Variants in THSD7A observed in about 807,000 individuals in gnomAD.
THSD7A encodes thrombospondin type 1 domain containing 7A, also known as thrombospondin type-1 domain-containing protein 7A.
In THSD7A, 96 loss-of-function variants were observed where a neutral mutation model predicts 231.3. The ratio of observed to expected loss-of-function variants is 0.41; its 90% confidence interval spans 0.35 to 0.49. The LOEUF is 0.49. Among genes scored for constraint, THSD7A ranks in the 20% least tolerant of loss-of-function variants. The pLI is 0.05. For synonymous variants in THSD7A, 940 were observed against 743.3 expected (o/e 1.26, Z -4.30); for missense variants, 2,290 against 2,070.2 (o/e 1.11, Z -2.06).
chr7:11,726,861 T>A (rs1053081206), intron 1 of THSD7A, among the ~76,000 whole-genome samples: 1 of 151,962 alleles, frequency 6.6e-6, no homozygotes, highest in African/African-American at 2.4e-5. Flanking sequence ...GTCTCATGTT[T>A]TCTAGATTAC....
rs371236468 is a variant in THSD7A at position 11,469,885 on chromosome 7, T to C, written c.2362A>G (p.Lys788Glu). Residue 788 changes from lysine (K) to glutamate (E), a missense_variant, in exon 9 of 28, where the codon AAA becomes GAA. Transcript: ENST00000423059. The part of the protein sequence containing the change: ...SDWTSCPSSC[K>E]EGDSSIRKQS... ...CTAACTCTGCAGACCATACCTTCTTTACACGAAGAGGGGCATGATGTCCAG... is the reference window on the plus strand; with the variant it reads ...CTAACTCTGCAGACCATACCTTCTTCACACGAAGAGGGGCATGATGTCCAG... 1.3e-5 allele frequency: 20 copies of C among 1,588,840 alleles called. No individual in the cohort carries two copies. The highest frequency in any genetic ancestry group is 1.1e-5 in the South Asian group (1 of 87,180).
At chr7:11,449,219 A>G (rs758982764) in intron 11 of THSD7A, among the ~76,000 whole-genome samples, 1 of 152,100 alleles carries the variant, frequency 6.6e-6, no homozygotes, top group Non-Finnish European at 1.5e-5. Context: ...TATCCAAGCT[A>G]TATGAGAACT....
chr7:11,461,047 C>A (rs1056868249), intron 10 of THSD7A, among the ~76,000 whole-genome samples: 2 of 152,158 alleles, frequency 1.3e-5, no homozygotes, highest in African/African-American at 4.8e-5. Flanking sequence ...GGACTGCCAA[C>A]AAATGCACCA....
rs954094634 is a variant in THSD7A, at chr7:11,411,413, C to T, written c.3683-91G>A. ...GATGACCTGAATCCCATATTTAATT[C>T]ACAACTGCTTCCTAAGCCCCATAAT... On this transcript the variant is annotated intron_variant, in intron 18 of 27. Coordinates refer to ENST00000423059, the MANE Select transcript of THSD7A (RefSeq NM_015204.3). This position sits in a 1 kb window ranked among gnomAD's most constrained non-coding sequence, Gnocchi z 4.1. 2.8e-5 allele frequency: 23 copies of T among 822,450 alleles called. No homozygotes were observed. Among genetic ancestry groups the T allele is most frequent in the Admixed American group, 1.2e-4 (5 of 41,438 alleles). 50.9% of individuals were successfully genotyped at this position (822,450 alleles called of 1,614,324 possible). A position where few individuals can be genotyped will look rare whatever the true frequency, so the allele number is the denominator to read the frequency against.
rs1787877893 is a variant in THSD7A, at chr7:11,512,943, A to ATATATATATATATG, written c.1822+28475_1822+28476insCATATATATATATA. Among the ~76,000 whole-genome samples the ATATATATATATATG allele has an allele frequency of 8.6e-5, 4 of 46,752 alleles. 1 individual carries two copies. The South Asian group carries it at 2.6e-3, about 30-fold the overall frequency. 30.7% of individuals were successfully genotyped at this position (46,752 alleles called of 152,430 possible). A position where few individuals can be genotyped will look rare whatever the true frequency, so the allele number is the denominator to read the frequency against. ...AAAGTATAATAAAAAAGAAACTATGATATATATATATATATATGTAAAATA... is the reference window on the plus strand; with the variant it reads ...AAAGTATAATAAAAAAGAAACTATGATATATATATATATGTATATATATATATATATGTAAAATA... On this transcript the variant is annotated intron_variant, in intron 6 of 27. Coordinates refer to ENST00000423059, the MANE Select transcript of THSD7A (RefSeq NM_015204.3).
At chr7:11,728,387 T>C (rs1437475984) in intron 1 of THSD7A, among the ~76,000 whole-genome samples, 2 of 151,958 alleles carry the variant, frequency 1.3e-5, no homozygotes, top group East Asian at 3.9e-4. Context: ...GGCAGGAGTA[T>C]ATAATCTAGA....
intron 13 of THSD7A, among the ~76,000 whole-genome samples, chr7:11,435,000 ATAT>A (rs1017971859): frequency 6.6e-6 from 1 of 151,912 alleles, no homozygotes; most frequent in African/African-American, 2.4e-5. Flanking sequence ...GTATAATACA[ATAT>A]TATTTTAATT....
At chr7:11,673,845 T>C (rs1584189408) in intron 1 of THSD7A, among the ~76,000 whole-genome samples, 1 of 151,622 alleles carries the variant, frequency 6.6e-6, no homozygotes, top group Non-Finnish European at 1.5e-5. Context: ...TGCTGCAGGG[T>C]GGATATTGGA....
intron 2 of THSD7A, among the ~76,000 whole-genome samples, chr7:11,600,909 G>C (rs1780529182): frequency 6.6e-6 from 1 of 152,192 alleles, no homozygotes; most frequent in African/African-American, 2.4e-5. Flanking sequence ...AAGATCATCT[G>C]AGAGTGGTGG....
chr7:11,511,915 A>G (rs1787825520), intron 6 of THSD7A, among the ~76,000 whole-genome samples: 2 of 152,238 alleles, frequency 1.3e-5, no homozygotes, highest in Non-Finnish European at 2.9e-5. Context: ...AATGGCAACA[A>G]AAGCCAAAAT....
rs1188958042 is a variant in THSD7A, at chr7:11,375,850, G to T, written c.4918C>A (p.Gln1640Lys). The change falls in exon 28 of 28, where the codon CAA (glutamine) becomes AAA (lysine). Residue 1640 changes from glutamine (Q) to lysine (K), a missense_variant. Gln to Lys is a moderately conservative substitution (Grantham distance 53). Coordinates refer to ENST00000423059, the MANE Select transcript of THSD7A (RefSeq NM_015204.3). Reference sequence around the variant, plus strand: ...GTTAAAGGTTTCAGTCGGTTGTTTTGCCTTCTTTGGGGTTTCTTTGGCTTT... The same window carrying T: ...GTTAAAGGTTTCAGTCGGTTGTTTTTCCTTCTTTGGGGTTTCTTTGGCTTT... The part of the protein sequence containing the change: ...CKKPKKPQRR[Q>K]NNRLKPLTLA... The T allele has an allele frequency of 6.2e-7, 1 of 1,612,484 alleles. No individual in the cohort carries two copies. The highest frequency in any genetic ancestry group is 8.5e-7 in the Non-Finnish European group (1 of 1,179,032).
intron 2 of THSD7A, among the ~76,000 whole-genome samples, chr7:11,610,925 G>C (rs1584077997): frequency 6.6e-6 from 1 of 152,104 alleles, no homozygotes; most frequent in South Asian, 2.1e-4. Context: ...TTTAATGGTA[G>C]AAATCTCTTT....
At chr7:11,463,028 A>T (rs1785563816) in intron 9 of THSD7A, among the ~76,000 whole-genome samples, 1 of 152,190 alleles carries the variant, frequency 6.6e-6, no homozygotes. Context: ...TCTCTAAAGA[A>T]TTATGTTAAT....
At position 11,831,768 on chromosome 7, in the gene THSD7A, A is replaced by AGACAG; in HGVS notation, c.178_179insCTGTC (p.Leu60ProfsTer78). ...TCCGTCCCACTTACCAGTCTTCCAC[A>AGACAG]GATAGAGGGTGGGCGCCTCCGCCTC... On this transcript the variant is annotated frameshift_variant, in exon 1 of 28. Transcript: ENST00000423059. LOFTEE classifies it high-confidence loss of function. This position sits in a 1 kb window ranked among gnomAD's most constrained non-coding sequence, Gnocchi z 5.0. 6.8e-7 allele frequency: 1 copy of AGACAG among 1,475,992 alleles called. No homozygotes were observed. Among genetic ancestry groups the AGACAG allele is most frequent in the Non-Finnish European group, 9.0e-7 (1 of 1,110,518 alleles). 91.4% of individuals were successfully genotyped at this position (1,475,992 alleles called of 1,614,324 possible). A position where few individuals can be genotyped will look rare whatever the true frequency, so the allele number is the denominator to read the frequency against.
rs527677313 is a variant in THSD7A, at chr7:11,396,968, G to A, written c.4411+4827C>T. Among the ~76,000 whole-genome samples, 12 of 152,118 alleles carry A rather than the reference G, an allele frequency of 7.9e-5. No individual in the cohort carries two copies. The South Asian group carries it at 1.0e-3, about 13-fold the overall frequency. ...CGGCTTCATCCCTGGGATGCAAGGC[G>A]GGTTCAACATATGTGAATCAATAAA... is the stretch of plus-strand genomic sequence containing the variant. On this transcript the variant is annotated intron_variant, in intron 23 of 27. Transcript: ENST00000423059.
chr7:11,620,736 A>G (rs547989482), intron 2 of THSD7A, among the ~76,000 whole-genome samples: 415 of 152,342 alleles, frequency 2.7e-3, no homozygotes, highest in South Asian at 5.0e-3. Context: ...CATGCTTATT[A>G]TCACAATCAA....
intron 1 of THSD7A, among the ~76,000 whole-genome samples, chr7:11,779,785 G>T (rs375001593): frequency 2.6e-5 from 4 of 152,132 alleles, no homozygotes; most frequent in Non-Finnish European, 4.4e-5. Context: ...GGTTGAAGAA[G>T]TATTACAAAA....
intron 1 of THSD7A, among the ~76,000 whole-genome samples, chr7:11,738,385 T>A (rs183565228): frequency 1.6e-4 from 24 of 152,174 alleles, no homozygotes; most frequent in Admixed American, 9.2e-4. Context: ...AGTATTATTT[T>A]ACGATATATG....
At chr7:11,683,482 C>T (rs1562473686) in intron 1 of THSD7A, among the ~76,000 whole-genome samples, 2 of 151,670 alleles carry the variant, frequency 1.3e-5, no homozygotes, top group Non-Finnish European at 2.9e-5. Context: ...AATGTTAACA[C>T]ATTAACAAAA....
Sources: allele counts gnomAD v4.1 joint callset (sites outside exome capture counted in the v4.1 genomes callset), GRCh38; gene constraint gnomAD v4.1.1; non-coding constraint Gnocchi (gnomAD v3.1); transcripts MANE v1.5; gene names NCBI Gene and HGNC (gene_info 2026-07-23, HGNC 2026-07-21).